The following NUAK1 variants were observed in gnomAD, a reference collection of about 807,000 sequenced individuals.
NUAK1 encodes the protein NUAK family kinase 1.
In NUAK1, 26 loss-of-function variants were observed where a neutral mutation model predicts 56.9. That is an observed-to-expected ratio of 0.46 (90% CI 0.33 to 0.63). NUAK1 has a LOEUF of 0.63. Among genes scored for constraint, NUAK1 ranks in the 30% least tolerant of loss-of-function variants. NUAK1 has a pLI of 0.02. For synonymous variants in NUAK1, 337 were observed against 336.0 expected, an observed-to-expected ratio of 1.00 and a Z score of -0.03; for missense variants, 727 against 876.1, an observed-to-expected ratio of 0.83 and a Z score of 2.15.
chr12:106,074,875 A>T (rs1054687757), intron 4 of NUAK1, among the ~76,000 whole-genome samples: 1 of 152,110 alleles, frequency 6.6e-6, no homozygotes, highest in Non-Finnish European at 1.5e-5. Flanking sequence ...CCTGAATTCC[A>T]CTTTCTTATC....
intron 4 of NUAK1, among the ~76,000 whole-genome samples, chr12:106,074,007 GTA>G (rs1482825066): frequency 6.6e-6 from 1 of 151,872 alleles, no homozygotes; most frequent in East Asian, 1.9e-4. Context: ...ATATGTATAT[GTA>G]TATGTACACA....
At chr12:106,106,676 T>C in intron 1 of NUAK1, 151 bp from the exon 2 acceptor site, 1 of 663,244 alleles carries the variant, frequency 1.5e-6, no homozygotes, top group Non-Finnish European at 2.4e-6. Flanking sequence ...TGTCATGTCT[T>C]TCATACACAG....
intron 1 of NUAK1, among the ~76,000 whole-genome samples, chr12:106,121,831 C>A (rs17744427): frequency 2.4e-4 from 36 of 152,132 alleles, no homozygotes; most frequent in African/African-American, 8.4e-4. Flanking sequence ...GCTGACAGAA[C>A]GGGTTGGTGG....
At chr12:106,080,036 G>A (rs545527758) in intron 4 of NUAK1, among the ~76,000 whole-genome samples, 48 of 152,310 alleles carry the variant, frequency 3.2e-4, no homozygotes, top group African/African-American at 9.1e-4. Flanking sequence ...GCAGGTATGC[G>A]TGGATATATA....
intron 4 of NUAK1, 52 bp from the exon 5 acceptor site, chr12:106,072,895 CTG>C (rs757473102): frequency 6.2e-7 from 1 of 1,607,374 alleles, no homozygotes; most frequent in African/African-American, 1.3e-5. Flanking sequence ...CAGATTATGT[CTG>C]TGTTGGATCA....
intron 2 of NUAK1, 37 bp downstream of exon 2, chr12:106,106,368 A>G: frequency 6.5e-7 from 1 of 1,534,648 alleles, no homozygotes; most frequent in South Asian, 1.2e-5. Flanking sequence ...AGAAATGGTA[A>G]CTGATATGGG....
Position 106,095,182 on chromosome 12 carries a change from C to G in NUAK1, c.362-8297G>C, listed in dbSNP as rs191523542. Among the ~76,000 whole-genome samples, 16 of 152,288 alleles carry G rather than the reference C, an allele frequency of 1.1e-4. No individual in the cohort carries two copies. The East Asian group carries it at 1.7e-3, about 17-fold the overall frequency. ...CTCTTTCTCTCTCAAAAAAATTACA[C>G]TCACTCACACAATCCTGAATGTGAG... On this transcript the variant is annotated intron_variant, in intron 2 of 6. Transcript: ENST00000261402.
chr12:106,118,505 C>T (rs1387243577), intron 1 of NUAK1, among the ~76,000 whole-genome samples: 1 of 152,210 alleles, frequency 6.6e-6, no homozygotes, highest in African/African-American at 2.4e-5. Context: ...GCTCAAATGT[C>T]GTGGAAGGTC....
Position 106,138,767 on chromosome 12 carries a change from A to C in NUAK1, c.-114T>G, listed in dbSNP as rs1365469628. 7.3e-7 allele frequency: 1 copy of C among 1,372,022 alleles called. No individual in the cohort carries two copies. Among genetic ancestry groups the C allele is most frequent in the African/African-American group, 1.5e-5 (1 of 65,726 alleles). 85.0% of individuals were successfully genotyped at this position (1,372,022 alleles called of 1,614,324 possible). A position where few individuals can be genotyped will look rare whatever the true frequency, so the allele number is the denominator to read the frequency against. On this transcript the variant is annotated 5_prime_UTR_variant, in exon 1 of 7. Transcript: ENST00000261402. This position sits in a 1 kb window ranked among gnomAD's most constrained non-coding sequence, Gnocchi z 5.0. ...CGCTCAAGGTCGCCCCCGCAGCATC[A>C]GGGAGGCGGCCCGATACCGCTCGGA... is the stretch of plus-strand genomic sequence containing the variant.
At chr12:106,102,392 C>G (rs2032758691) in intron 2 of NUAK1, among the ~76,000 whole-genome samples, 1 of 152,186 alleles carries the variant, frequency 6.6e-6, no homozygotes, top group Non-Finnish European at 1.5e-5. Flanking sequence ...TATGCTGTCC[C>G]ATATGGTAGC....
At position 106,138,273 on chromosome 12, in the gene NUAK1, G is replaced by A. The variant is rs1441888398; in HGVS notation, c.240+141C>T. 1.3e-5 allele frequency: 15 copies of A among 1,115,198 alleles called. No individual in the cohort carries two copies. The Admixed American group carries it at 4.2e-4, about 31-fold the overall frequency. The allele number at this position is 1,115,198 out of a possible 1,614,324, so 69.1% of individuals were successfully genotyped here. A position where few individuals can be genotyped will look rare whatever the true frequency, so the allele number is the denominator to read the frequency against. On this transcript the variant is annotated intron_variant, in intron 1 of 6. Transcript: ENST00000261402. This position sits in a 1 kb window ranked among gnomAD's most constrained non-coding sequence, Gnocchi z 5.0. The stretch of plus-strand genomic sequence containing the variant: ...TCACGGGGTGCTGGAGAAAGAGTGA[G>A]GAGTCTGTCTCGGGGCTTCCCAATG...
At chr12:106,120,461 A>C (rs2032962956) in intron 1 of NUAK1, among the ~76,000 whole-genome samples, 1 of 152,162 alleles carries the variant, frequency 6.6e-6, no homozygotes, top group Admixed American at 6.5e-5. Context: ...GGCGTGTGCA[A>C]ATACAAACAC....
At chr12:106,096,330 T>C (rs925884833) in intron 2 of NUAK1, among the ~76,000 whole-genome samples, 1 of 152,058 alleles carries the variant, frequency 6.6e-6, no homozygotes, top group African/African-American at 2.4e-5. Flanking sequence ...TTGGGTGTAA[T>C]CAAAAGAAAA....
At chr12:106,128,032 G>C (rs1455803929) in intron 1 of NUAK1, among the ~76,000 whole-genome samples, 1 of 151,978 alleles carries the variant, frequency 6.6e-6, no homozygotes, top group Non-Finnish European at 1.5e-5. Flanking sequence ...CCATTTCACA[G>C]ACGAAGAAAC....
In NUAK1 at chr12:106,065,963, C is replaced by G. The variant is rs1330988278; in HGVS notation, c.*839G>C. The G allele has an allele frequency of 6.6e-6, 1 of 152,400 alleles. No homozygotes were observed. The highest frequency in any genetic ancestry group is 1.5e-5 in the Non-Finnish European group (1 of 68,080). 9.4% of individuals were successfully genotyped at this position (152,400 alleles called of 1,614,324 possible). On this transcript the variant is annotated 3_prime_UTR_variant, in exon 7 of 7. Coordinates refer to ENST00000261402, the MANE Select transcript of NUAK1 (RefSeq NM_014840.3). The stretch of plus-strand genomic sequence containing the variant: ...TTGTGCTGTAGAGCAAGGCAGACAT[C>G]AGGAAAGAGGAGGTGAACAGCAAGG...
chr12:106,071,181 C>T lies in NUAK1; in HGVS notation c.700-275G>A, dbSNP rs185770886. On this transcript the variant is annotated intron_variant, in intron 5 of 6. Coordinates refer to ENST00000261402, the MANE Select transcript of NUAK1 (RefSeq NM_014840.3). ...AGATTATCTTCTTTAATCCTCACTA[C>T]AATTTTGTGAAGCAGTTAGAGCCAG... is the stretch of plus-strand genomic sequence containing the variant. Among the ~76,000 whole-genome samples, 55 of 152,314 alleles carry T rather than the reference C, an allele frequency of 3.6e-4. 1 individual carries two copies. The highest frequency in any genetic ancestry group is 2.0e-3 in the Admixed American group (30 of 15,304).
intron 2 of NUAK1, among the ~76,000 whole-genome samples, chr12:106,091,196 A>T (rs1436667074): frequency 6.6e-6 from 1 of 152,234 alleles, no homozygotes; most frequent in Non-Finnish European, 1.5e-5. Flanking sequence ...CCAGTTGGGA[A>T]GGGTTTCCTT....
chr12:106,124,397 A>G (rs1215607), intron 1 of NUAK1, among the ~76,000 whole-genome samples: 59,972 of 152,052 alleles, frequency 0.39, 13,552 homozygotes, highest in South Asian at 0.49. Context: ...AGATATTGCA[A>G]TCATTCATGC....
intron 1 of NUAK1, among the ~76,000 whole-genome samples, chr12:106,106,997 C>T (rs1214821853): frequency 6.6e-6 from 1 of 152,202 alleles, no homozygotes; most frequent in East Asian, 1.9e-4. Context: ...TCGAGGCCAG[C>T]TCTGCCTCAA....
Sources: allele counts gnomAD v4.1 joint callset (sites outside exome capture counted in the v4.1 genomes callset), GRCh38; gene constraint gnomAD v4.1.1; non-coding constraint Gnocchi (gnomAD v3.1); transcripts MANE v1.5; gene names NCBI Gene and HGNC (gene_info 2026-07-23, HGNC 2026-07-21).